The following TBXAS1 variants were observed in gnomAD, a reference collection of about 807,000 sequenced individuals.
The protein encoded by TBXAS1 is thromboxane-A synthase.
In TBXAS1, 48 loss-of-function variants were observed where a neutral mutation model predicts 60.7. The ratio of observed to expected loss-of-function variants is 0.79; its 90% CI spans 0.63 to 1.01. The LOEUF is 1.01. TBXAS1 is among the 50% of genes least tolerant of loss of function. The probability of loss-of-function intolerance (pLI) is 0.00; values close to 1 mark genes in which losing one functional copy is unlikely to be tolerated. For synonymous variants in TBXAS1, 287 were observed against 269.7 expected (o/e 1.06, Z -0.63); for missense variants, 685 against 686.3 (o/e 1.00, Z 0.02).
At chr7:139,898,080 C>T (rs922599050) in intron 3 of TBXAS1, among the ~76,000 whole-genome samples, 1 of 152,210 alleles carries the variant, frequency 6.6e-6, no homozygotes, top group African/African-American at 2.4e-5. Flanking sequence ...GCCTGTGAGT[C>T]AAATGCCCAG....
At chr7:139,801,378 T>G (rs1797719188) in intron 4 of TBXAS1, among the ~76,000 whole-genome samples, 1 of 152,232 alleles carries the variant, frequency 6.6e-6, no homozygotes, top group African/African-American at 2.4e-5. Context: ...ATAGCTCTTC[T>G]GTTCTTTTTT....
intron 4 of TBXAS1, among the ~76,000 whole-genome samples, chr7:139,802,904 C>T (rs904507462): frequency 6.6e-6 from 1 of 152,208 alleles, no homozygotes. Flanking sequence ...CTCCTTTGCC[C>T]TCTGCCATGA....
At chr7:139,844,456 A>G (rs1462639006) in intron 1 of TBXAS1, among the ~76,000 whole-genome samples, 2 of 152,198 alleles carry the variant, frequency 1.3e-5, no homozygotes, top group Non-Finnish European at 2.9e-5. Context: ...CTAATTGGAA[A>G]ACTCTGCCAG....
At chr7:139,945,438 T>A (rs1195419330) in intron 5 of TBXAS1, among the ~76,000 whole-genome samples, 1 of 152,250 alleles carries the variant, frequency 6.6e-6, no homozygotes, top group East Asian at 1.9e-4. Context: ...CAAACCACAC[T>A]GTATTCATGC....
At chr7:139,899,942 C>T (rs533565376) in intron 3 of TBXAS1, among the ~76,000 whole-genome samples, 4 of 152,192 alleles carry the variant, frequency 2.6e-5, no homozygotes, top group Non-Finnish European at 5.9e-5. Flanking sequence ...GTGACTTTGC[C>T]TCTCTAAGTC....
intron 3 of TBXAS1, among the ~76,000 whole-genome samples, chr7:139,892,093 A>G (rs1234256897): frequency 6.6e-6 from 1 of 152,162 alleles, no homozygotes; most frequent in Non-Finnish European, 1.5e-5. Context: ...CCACTCACCC[A>G]AGTCATTAAT....
intron 9 of TBXAS1, among the ~76,000 whole-genome samples, chr7:140,000,517 T>C (rs922538011): frequency 6.6e-6 from 1 of 152,074 alleles, no homozygotes; most frequent in African/African-American, 2.4e-5. Flanking sequence ...AAACACATAT[T>C]GGTTTCTAGA....
In TBXAS1 at chr7:139,957,779, T is replaced by C. The variant is rs1259726448; in HGVS notation, c.819+15T>C. On this transcript the variant is annotated intron_variant, in intron 8 of 12. Coordinates refer to ENST00000448866, the MANE Select transcript of TBXAS1 (RefSeq NM_001061.7). The stretch of plus-strand genomic sequence containing the variant: ...CTGCCGAAGAGGTAACGTATTTTAA[T>C]AGGACACAGCCTTGAAATGGAATGG... 2 of 1,614,046 alleles carry C rather than the reference T, an allele frequency of 1.2e-6. No homozygotes were observed. The highest frequency in any genetic ancestry group is 1.7e-5 in the Admixed American group (1 of 60,014).
chr7:139,866,283 G>T (rs1801412593), intron 1 of TBXAS1, among the ~76,000 whole-genome samples: 1 of 152,108 alleles, frequency 6.6e-6, no homozygotes. Flanking sequence ...ATAACTCAAA[G>T]TAGCTAAAAT....
chr7:139,995,342 A>G (rs1813213388), intron 9 of TBXAS1, among the ~76,000 whole-genome samples: 2 of 152,178 alleles, frequency 1.3e-5, no homozygotes, highest in African/African-American at 4.8e-5. Context: ...GCAAATCATC[A>G]ACAAGATGCA....
intron 1 of TBXAS1, among the ~76,000 whole-genome samples, chr7:139,845,586 T>A (rs1184857277): frequency 6.6e-6 from 1 of 152,120 alleles, no homozygotes; most frequent in Non-Finnish European, 1.5e-5. Context: ...AGCTGAGCAC[T>A]CAGCATTGTG....
intron 3 of TBXAS1, among the ~76,000 whole-genome samples, chr7:139,905,005 CTCTTTCTTTCTTTCTTTCTT>C (rs775007248): frequency 1.0e-4 from 9 of 90,420 alleles, no homozygotes; most frequent in Non-Finnish European, 2.0e-4. Flanking sequence ...CTCTCTTTCT[CTCTTTCTTTCTTTCTTTCTT>C]TCTTTCTTTC....
At chr7:139,854,675 G>A (rs1800464172) in intron 1 of TBXAS1, among the ~76,000 whole-genome samples, 1 of 152,138 alleles carries the variant, frequency 6.6e-6, no homozygotes, top group East Asian at 1.9e-4. Context: ...ACAGAACTTG[G>A]TGATTGACTG....
At chr7:139,926,781 A>C (rs1441342688) in intron 4 of TBXAS1, among the ~76,000 whole-genome samples, 1 of 151,714 alleles carries the variant, frequency 6.6e-6, no homozygotes, top group Non-Finnish European at 1.5e-5. Flanking sequence ...TTTTCTTCCT[A>C]GTACTGCTTT....
At chr7:139,808,608 C>T (rs1051882112) in intron 4 of TBXAS1, among the ~76,000 whole-genome samples, 1 of 152,164 alleles carries the variant, frequency 6.6e-6, no homozygotes, top group African/African-American at 2.4e-5. Context: ...GTGCTCCTGG[C>T]TCCCCTTCCT....
chr7:140,016,345 T>A (rs10234812), intron 11 of TBXAS1: 25,190 of 222,552 alleles, frequency 0.11, 1,604 homozygotes, highest in African/African-American at 0.17. Flanking sequence ...ATAAATAAAT[T>A]AAATAAAAAT....
At chr7:139,898,437 T>G (rs1305100377) in intron 3 of TBXAS1, among the ~76,000 whole-genome samples, 21 of 99,820 alleles carry the variant, frequency 2.1e-4, no homozygotes, top group East Asian at 5.9e-4. Flanking sequence ...TTTTTTTTTT[T>G]TTTTTTTTGA....
rs116997407 is a variant in TBXAS1, at chr7:140,002,122, T to C, written c.1135-4969T>C. 6.1e-4 allele frequency among the ~76,000 whole-genome samples: 93 copies of C among 152,322 alleles called. No homozygotes were observed. In the East Asian group the frequency reaches 0.013, roughly 21 times the overall value. ...CAATTCCATATGTATTCCTTGAATA[T>C]GTAAATGAAGGATCTCCTAAACAGA... On this transcript the variant is annotated intron_variant, in intron 9 of 12. Coordinates refer to ENST00000448866, the MANE Select transcript of TBXAS1 (RefSeq NM_001061.7).
chr7:139,988,858 C>T (rs1812692016), intron 9 of TBXAS1, among the ~76,000 whole-genome samples: 2 of 152,258 alleles, frequency 1.3e-5, no homozygotes, highest in Admixed American at 6.5e-5. Flanking sequence ...GCAGGCATCC[C>T]GTGTGGCGGG....
Sources: allele counts gnomAD v4.1 joint callset (sites outside exome capture counted in the v4.1 genomes callset), GRCh38; gene constraint gnomAD v4.1.1; transcripts MANE v1.5; gene names NCBI Gene and HGNC (gene_info 2026-07-23, HGNC 2026-07-21).